The following LRRTM4 variants were observed in gnomAD, a reference collection of about 807,000 sequenced individuals.
The protein encoded by LRRTM4 is leucine-rich repeat transmembrane neuronal protein 4.
Under a neutral mutation model 47.6 loss-of-function variants are expected in LRRTM4, and 25 were observed. The ratio of observed to expected loss-of-function variants is 0.53; its 90% CI spans 0.38 to 0.73. The LOEUF is 0.73. Among genes scored for constraint, LRRTM4 ranks in the 30% least tolerant of loss-of-function variants. The pLI, the probability that LRRTM4 is intolerant of heterozygous loss-of-function variation, is 0.00. For missense variants in LRRTM4, 638 were observed against 713.4 expected, an observed-to-expected ratio of 0.89 and a Z score of 1.20; for synonymous variants, 311 against 269.5, an observed-to-expected ratio of 1.15 and a Z score of -1.51.
At chr2:77,379,247 G>A (rs1294190426) in intron 3 of LRRTM4, among the ~76,000 whole-genome samples, 5 of 151,784 alleles carry the variant, frequency 3.3e-5, no homozygotes, top group African/African-American at 1.2e-4. Context: ...CCCTGTTTTG[G>A]CGATCTAGTT....
At chr2:76,788,241 C>T (rs945959729) in intron 3 of LRRTM4, among the ~76,000 whole-genome samples, 1 of 152,132 alleles carries the variant, frequency 6.6e-6, no homozygotes, top group Non-Finnish European at 1.5e-5. Context: ...ATAAATAGAA[C>T]AGCAATTGAC....
rs900811654 is a variant in LRRTM4, at chr2:77,128,733, G to A, written c.1552-379817C>T. Among the ~76,000 whole-genome samples the A allele has an allele frequency of 4.6e-5, 7 of 152,104 alleles. No homozygotes were observed. The South Asian group carries it at 6.2e-4, about 14-fold the overall frequency. ...CAGCTTGCTGCTACCTCCGCCTCCC[G>A]GGTTCAAGCGATTCTCCTCCCTCAG... On this transcript the variant is annotated intron_variant, in intron 3 of 3. Coordinates refer to ENST00000409884, the MANE Select transcript of LRRTM4 (RefSeq NM_001134745.3).
intron 3 of LRRTM4, among the ~76,000 whole-genome samples, chr2:76,879,253 AGAG>A (rs1178266214): frequency 1.3e-5 from 2 of 152,314 alleles, no homozygotes; most frequent in South Asian, 2.1e-4. Flanking sequence ...TCATAGCTAG[AGAG>A]GAGAAGTCAA....
intron 3 of LRRTM4, among the ~76,000 whole-genome samples, chr2:76,893,956 T>C (rs545577666): frequency 1.4e-4 from 22 of 152,022 alleles, no homozygotes; most frequent in African/African-American, 5.1e-4. Flanking sequence ...CATAAGCAGA[T>C]ATATCACATG....
At chr2:76,927,327 T>G (rs1409510382) in intron 3 of LRRTM4, among the ~76,000 whole-genome samples, 1 of 152,186 alleles carries the variant, frequency 6.6e-6, no homozygotes, top group Non-Finnish European at 1.5e-5. Flanking sequence ...TACTTCCTTA[T>G]GAGTTTTAGA....
At chr2:77,091,165 C>G (rs958090561) in intron 3 of LRRTM4, among the ~76,000 whole-genome samples, 32 of 151,944 alleles carry the variant, frequency 2.1e-4, no homozygotes, top group South Asian at 6.2e-4. Flanking sequence ...ATCTGCTTCC[C>G]TGACTATTCC....
At chr2:76,984,350 G>A (rs1476994364) in intron 3 of LRRTM4, among the ~76,000 whole-genome samples, 1 of 151,476 alleles carries the variant, frequency 6.6e-6, no homozygotes, top group East Asian at 1.9e-4. Flanking sequence ...AGTTTTTTTG[G>A]TAGAATTGTA....
intron 3 of LRRTM4, among the ~76,000 whole-genome samples, chr2:77,451,327 G>T (rs1676247020): frequency 6.6e-6 from 1 of 152,132 alleles, no homozygotes; most frequent in African/African-American, 2.4e-5. Context: ...CCTGCTCAAT[G>T]CCTATAAAAG....
At chr2:77,515,931 C>T (rs62159469) in intron 3 of LRRTM4, among the ~76,000 whole-genome samples, 7,912 of 151,896 alleles carry the variant, frequency 0.052, 254 homozygotes, top group Middle Eastern at 0.1. Flanking sequence ...TGTAATACAG[C>T]AAACATTCTG....
rs1340328428 is a variant in LRRTM4, at chr2:76,807,443, T to TATACAC, written c.1552-58528_1552-58527insGTGTAT. Among the ~76,000 whole-genome samples, 8 of 99,490 alleles carry TATACAC rather than the reference T, an allele frequency of 8.0e-5. No homozygotes were observed. In the East Asian group the frequency reaches 1.4e-3, roughly 17 times the overall value. The allele number at this position is 99,490 out of a possible 152,430, so 65.3% of individuals were successfully genotyped here. A position where few individuals can be genotyped will look rare whatever the true frequency, so the allele number is the denominator to read the frequency against. Reference sequence around the variant, plus strand: ...ATATATACATATATATATACGTATATACATATATATATATACATATATATA... The same window carrying TATACAC: ...ATATATACATATATATATACGTATATATACACACATATATATATATACATATATATA... On this transcript the variant is annotated intron_variant, in intron 3 of 3. Transcript: ENST00000409884.
intron 3 of LRRTM4, among the ~76,000 whole-genome samples, chr2:77,165,065 G>A (rs942753338): frequency 1.3e-5 from 2 of 152,060 alleles, no homozygotes; most frequent in African/African-American, 4.8e-5. Context: ...TAGACTGCTA[G>A]CAAGACTAAT....
intron 3 of LRRTM4, among the ~76,000 whole-genome samples, chr2:76,889,955 G>C (rs1673199142): frequency 1.3e-5 from 2 of 151,862 alleles, no homozygotes; most frequent in African/African-American, 4.8e-5. Context: ...TCTGTTCTGT[G>C]ACCTAGTTGT....
chr2:77,420,330 T>A (rs1367812862), intron 3 of LRRTM4, among the ~76,000 whole-genome samples: 4 of 152,136 alleles, frequency 2.6e-5, no homozygotes, highest in Admixed American at 6.5e-5. Context: ...ACCTAGGAAG[T>A]GACATTCTAT....
At chr2:77,521,890 A>T (rs974863758) in intron 1 of LRRTM4, 72 bp from the exon 2 acceptor site, 141 of 340,696 alleles carry the variant, frequency 4.1e-4, no homozygotes, top group East Asian at 6.2e-4. Flanking sequence ...TATATATATA[A>T]AAAATCAGCA....
intron 3 of LRRTM4, among the ~76,000 whole-genome samples, chr2:76,799,590 A>C (rs1302877488): frequency 7.1e-6 from 1 of 141,324 alleles, no homozygotes; most frequent in Non-Finnish European, 1.5e-5. Context: ...TAGTGTTGGA[A>C]GTTCTGGCCA....
intron 3 of LRRTM4, among the ~76,000 whole-genome samples, chr2:77,320,027 T>A (rs1345384048): frequency 6.6e-6 from 1 of 152,208 alleles, no homozygotes; most frequent in East Asian, 1.9e-4. Flanking sequence ...ACTGTTGTTT[T>A]TTTTAGGGGA....
intron 3 of LRRTM4, among the ~76,000 whole-genome samples, chr2:77,161,919 G>A (rs1267557919): frequency 6.6e-6 from 1 of 152,142 alleles, no homozygotes; most frequent in East Asian, 1.9e-4. Flanking sequence ...CTCCAAGATG[G>A]CTGAATAGGA....
At chr2:77,243,164 G>A (rs1201520986) in intron 3 of LRRTM4, among the ~76,000 whole-genome samples, 2 of 152,132 alleles carry the variant, frequency 1.3e-5, no homozygotes, top group African/African-American at 4.8e-5. Flanking sequence ...TGTAATCCCA[G>A]CACTTTGGGA....
At position 77,410,956 on chromosome 2, in the gene LRRTM4, G is replaced by GTTCA. The variant is rs1406688762; in HGVS notation, c.1551+107358_1551+107361dup. Among the ~76,000 whole-genome samples the GTTCA allele has an allele frequency of 1.7e-4, 26 of 152,240 alleles. 1 individual carries two copies. Among genetic ancestry groups the GTTCA allele is most frequent in the African/African-American group, 5.5e-4 (23 of 41,556 alleles). ...AAACTTTCTACATAGAAGGCACAAT[G>GTTCA]TTCAGGTAATGTGAATGTAACAGAT... On this transcript the variant is annotated intron_variant, in intron 3 of 3. Transcript: ENST00000409884.
Sources: gnomAD v4.1 joint callset for allele counts (sites outside exome capture counted in the v4.1 genomes callset) on GRCh38, gnomAD v4.1.1 for gene constraint, MANE v1.5 for transcripts, NCBI Gene and HGNC (gene_info 2026-07-23, HGNC 2026-07-21) for gene names.